The following MICAL3 variants were observed in gnomAD, a reference collection of about 807,000 sequenced individuals.
The protein encoded by MICAL3 is [F-actin]-monooxygenase MICAL3.
MICAL3 carries 62 observed loss-of-function variants against 207.4 expected under a neutral mutation model. That is an observed-to-expected ratio of 0.30 (90% CI 0.24 to 0.37). The LOEUF (loss-of-function observed/expected upper bound fraction) is 0.37. Ranked by LOEUF, MICAL3 falls within the 10% of genes least tolerant of loss-of-function variation. MICAL3 has a pLI of 1.00. For synonymous variants in MICAL3, 1,077 were observed against 1,069.3 expected (o/e 1.01, Z -0.14); for missense variants, 2,368 against 2,635.6 (o/e 0.90, Z 2.22).
intron 1 of MICAL3, among the ~76,000 whole-genome samples, chr22:17,971,744 C>G (rs1935422189): frequency 6.6e-6 from 1 of 152,198 alleles, no homozygotes. Context: ...AGAAAAAGAA[C>G]AGCAGAACCT....
In MICAL3 at chr22:17,845,715, A is replaced by G. The variant is rs186941001; in HGVS notation, c.2606-3698T>C. Among the ~76,000 whole-genome samples, 722 of 152,348 alleles carry G rather than the reference A, an allele frequency of 4.7e-3. 2 individuals are homozygous for G. Among genetic ancestry groups the G allele is most frequent in the Non-Finnish European group, 6.2e-3 (420 of 68,030 alleles). On this transcript the variant is annotated intron_variant, in intron 19 of 31. Transcript: ENST00000441493. Reference sequence around the variant, plus strand: ...GAAAGGCATCACTCAGGAGATCACCATGCTGTCCCAAGACTTACAACAAGA... The same window carrying G: ...GAAAGGCATCACTCAGGAGATCACCGTGCTGTCCCAAGACTTACAACAAGA...
Position 17,904,806 on chromosome 22 carries a change from G to A in MICAL3, c.298C>T (p.Arg100Cys), listed in dbSNP as rs1931598386. 1 of 1,613,958 alleles carries A rather than the reference G, an allele frequency of 6.2e-7. No individual in the cohort carries two copies. The highest frequency in any genetic ancestry group is 8.5e-7 in the Non-Finnish European group (1 of 1,179,848). ...LIIGAGPCGL[R>C]TAIDLSLLGA... Reference sequence around the variant, plus strand: ...AGTAAGGATAAGTCGATGGCTGTACGGAGACCACAGGGGCCAGCCCCAATG... The same window carrying A: ...AGTAAGGATAAGTCGATGGCTGTACAGAGACCACAGGGGCCAGCCCCAATG... Residue 100 changes from arginine to cysteine, a missense_variant, in exon 3 of 32, where the codon CGT becomes TGT. Physicochemically the swap from Arg to Cys is radical, Grantham distance 180 (BLOSUM62 -3). Transcript: ENST00000441493.
intron 21 of MICAL3, among the ~76,000 whole-genome samples, chr22:17,830,562 G>A (rs922827686): frequency 5.9e-5 from 9 of 152,226 alleles, no homozygotes; most frequent in Non-Finnish European, 1.3e-4. Flanking sequence ...AAAACACCGT[G>A]CCCTGGACCA....
In MICAL3 at chr22:17,904,709, A is replaced by C; in HGVS notation, c.395T>G (p.Phe132Cys). ...CAGACCTCGTAGATCATGTATGGTG[A>C]ATGGCCAGAGATGCAAGACGTTGTT... ...SRNNVLHLWPFTIHDLRGLGA... is the reference protein window; with the variant it reads ...SRNNVLHLWPCTIHDLRGLGA... The change falls in exon 3 of 32, where the codon TTC becomes TGC. Residue 132 changes from phenylalanine (F) to cysteine (C), a missense_variant. Around this residue, in one of 4 missense-constraint regions of MICAL3, gnomAD observed 400 missense variants for 547.0 expected, o/e 0.73. Transcript: ENST00000441493. The C allele has an allele frequency of 6.2e-7, 1 of 1,614,120 alleles. No homozygotes were observed. Among genetic ancestry groups the C allele is most frequent in the Non-Finnish European group, 8.5e-7 (1 of 1,179,946 alleles).
In MICAL3 at chr22:17,871,910, G is replaced by C; in HGVS notation, c.2355C>G (p.His785Gln). The C allele has an allele frequency of 6.2e-7, 1 of 1,611,872 alleles. No individual in the cohort carries two copies. ...AGTACTCGCACTTGAAGCAGCTCCG[G>C]TGGAAGAACTTGCCCTCGGCACTCA... ...ERLSAEGKFF[H>Q]RSCFKCEYCA... The change falls in exon 17 of 32, where the codon CAC (histidine) becomes CAG (glutamine). Residue 785 changes from histidine (H) to glutamine (Q), a missense_variant. Physicochemically the swap from His to Gln is conservative, Grantham distance 24. Around this residue, in one of 4 missense-constraint regions of MICAL3, gnomAD observed 1,770 missense variants for 1,863.2 expected, o/e 0.95. Transcript: ENST00000441493.
At chr22:17,910,375 CA>C (rs1932041876) in intron 1 of MICAL3, among the ~76,000 whole-genome samples, 1 of 152,210 alleles carries the variant, frequency 6.6e-6, no homozygotes, top group African/African-American at 2.4e-5. Flanking sequence ...ATTTCCAAAT[CA>C]AACCCCACTA....
At chr22:17,947,969 G>GT (rs1321165572) in intron 1 of MICAL3, among the ~76,000 whole-genome samples, 4 of 150,100 alleles carry the variant, frequency 2.7e-5, no homozygotes, top group Non-Finnish European at 5.9e-5. Context: ...AATAGCAAAA[G>GT]TTTAAAAAAA....
chr22:17,985,220 C>A (rs1241046079), intron 1 of MICAL3, among the ~76,000 whole-genome samples: 49 of 151,480 alleles, frequency 3.2e-4, no homozygotes, highest in African/African-American at 1.1e-3. Flanking sequence ...GAAGGTCCGG[C>A]CAGGGAGGGG....
chr22:17,940,142 T>C (rs1269870351), intron 1 of MICAL3, among the ~76,000 whole-genome samples: 1 of 152,216 alleles, frequency 6.6e-6, no homozygotes, highest in Non-Finnish European at 1.5e-5. Flanking sequence ...TTTCAATGTA[T>C]CAATCAATTG....
At chr22:17,821,546 C>T (rs1293478991) in intron 24 of MICAL3, 37 bp from the exon 25 acceptor site, 3 of 1,490,612 alleles carry the variant, frequency 2.0e-6, no homozygotes, top group South Asian at 1.2e-5. Context: ...CAAGAGGAAG[C>T]CCCCCCATGT....
intron 1 of MICAL3, among the ~76,000 whole-genome samples, chr22:17,975,032 T>C (rs1023033830): frequency 3.9e-5 from 6 of 152,210 alleles, no homozygotes; most frequent in African/African-American, 1.4e-4. Flanking sequence ...CCTCAAAGCA[T>C]GGAAACATTC....
rs756661890 is a variant in MICAL3, at chr22:17,871,890, T to C, written c.2375A>G (p.Glu792Gly). The change falls in exon 17 of 32, where the codon GAG becomes GGG. Residue 792 changes from glutamate (E) to glycine (G), a missense_variant. By Grantham distance (98) the Glu-to-Gly change is moderately conservative. Transcript: ENST00000441493. ...GAGGCGCAGGGTGGTGGCGCAGTAC[T>C]CGCACTTGAAGCAGCTCCGGTGGAA... ...KFFHRSCFKC[E>G]YCATTLRLSA... 6.2e-7 allele frequency: 1 copy of C among 1,611,622 alleles called. No individual in the cohort carries two copies. Among genetic ancestry groups the C allele is most frequent in the South Asian group, 1.1e-5 (1 of 90,264 alleles).
intron 21 of MICAL3, among the ~76,000 whole-genome samples, chr22:17,828,615 G>A (rs1601991225): frequency 6.6e-6 from 1 of 152,220 alleles, no homozygotes; most frequent in Non-Finnish European, 1.5e-5. Flanking sequence ...AGAACTCCAT[G>A]TGGTGCCCTG....
chr22:17,817,221 T>C, intron 26 of MICAL3, 90 bp downstream of exon 26: 1 of 1,412,886 alleles, frequency 7.1e-7, no homozygotes, highest in Non-Finnish European at 9.4e-7. Flanking sequence ...GCGGGGAGCG[T>C]GTGAGTGTGG....
chr22:17,976,869 T>G (rs1366823300), intron 1 of MICAL3, among the ~76,000 whole-genome samples: 4 of 150,466 alleles, frequency 2.7e-5, no homozygotes, highest in Non-Finnish European at 1.5e-5. Context: ...TGCAGTGGCG[T>G]GATCTCGGCT....
At chr22:17,860,087 C>T (rs1191037912) in intron 19 of MICAL3, 1 of 752,562 alleles carries the variant, frequency 1.3e-6, no homozygotes, top group Non-Finnish European at 1.6e-6. Flanking sequence ...ACTCCCAAGA[C>T]CTGCCTGAGC....
At chr22:17,870,745 C>A (rs1331831655) in intron 17 of MICAL3, among the ~76,000 whole-genome samples, 1 of 152,150 alleles carries the variant, frequency 6.6e-6, no homozygotes, top group Non-Finnish European at 1.5e-5. Flanking sequence ...AATCTGCCTG[C>A]CTTATCTAAA....
chr22:17,970,402 T>G (rs542939613), intron 1 of MICAL3, among the ~76,000 whole-genome samples: 1 of 152,290 alleles, frequency 6.6e-6, no homozygotes, highest in South Asian at 2.1e-4. Flanking sequence ...AGGGCCATGA[T>G]CAGAGGATCT....
intron 1 of MICAL3, among the ~76,000 whole-genome samples, chr22:17,969,960 G>A (rs1046928366): frequency 6.6e-6 from 1 of 152,234 alleles, no homozygotes; most frequent in Admixed American, 6.5e-5. Flanking sequence ...GAGCTCGTCA[G>A]AGGAGAAGGG....
Sources: allele counts gnomAD v4.1 joint callset (sites outside exome capture counted in the v4.1 genomes callset), GRCh38; gene constraint gnomAD v4.1.1; regional missense constraint gnomAD v4.1.1; transcripts MANE v1.5; gene names NCBI Gene and HGNC (gene_info 2026-07-23, HGNC 2026-07-21).